ADAMTSL3: variants seen among roughly 807,000 people sequenced by gnomAD.
The protein encoded by ADAMTSL3 is ADAMTS-like protein 3.
In ADAMTSL3, 128 loss-of-function variants were observed where a neutral mutation model predicts 201.7. The observed-to-expected ratio is 0.63, with a 90% CI of 0.55 to 0.73. The LOEUF is 0.73. Among genes scored for constraint, ADAMTSL3 ranks in the 30% least tolerant of loss-of-function variants. The pLI is 0.00. For synonymous variants in ADAMTSL3, 738 were observed against 748.4 expected, an observed-to-expected ratio of 0.99 and a Z score of 0.23; for missense variants, 1,990 against 2,119.6, an observed-to-expected ratio of 0.94 and a Z score of 1.20.
At chr15:83,964,563 G>T (rs188244466) in intron 19 of ADAMTSL3, among the ~76,000 whole-genome samples, 2 of 152,292 alleles carry the variant, frequency 1.3e-5, no homozygotes, top group Admixed American at 6.5e-5. Context: ...GTACCTGAAA[G>T]TGAGGGGAGA....
At chr15:83,881,130 G>T (rs912118515) in intron 9 of ADAMTSL3, among the ~76,000 whole-genome samples, 2 of 152,090 alleles carry the variant, frequency 1.3e-5, no homozygotes, top group Non-Finnish European at 2.9e-5. Context: ...GATTATTTTA[G>T]CTGTCTTATT....
chr15:83,673,865 A>G (rs942910972), intron 2 of ADAMTSL3, among the ~76,000 whole-genome samples: 6 of 152,218 alleles, frequency 3.9e-5, no homozygotes, highest in African/African-American at 1.2e-4. Context: ...CAGAAGTGCA[A>G]GTGGAGTCCT....
intron 4 of ADAMTSL3, 96 bp downstream of exon 4, chr15:83,773,746 C>T: frequency 7.0e-7 from 1 of 1,419,130 alleles, no homozygotes; most frequent in Non-Finnish European, 9.5e-7. Flanking sequence ...TTGGAATGTA[C>T]TGTGATGATG....
intron 17 of ADAMTSL3, among the ~76,000 whole-genome samples, chr15:83,924,437 T>C (rs1344643855): frequency 3.9e-5 from 6 of 152,240 alleles, no homozygotes; most frequent in Non-Finnish European, 7.3e-5. Context: ...TCCATATTTG[T>C]TGAGTGACTG....
At chr15:83,989,899 C>T (rs2067552925) in intron 22 of ADAMTSL3, among the ~76,000 whole-genome samples, 1 of 152,242 alleles carries the variant, frequency 6.6e-6, no homozygotes, top group Admixed American at 6.5e-5. Flanking sequence ...GACAGTTCTG[C>T]TCCACTTGTA....
chr15:84,035,632 C>T (rs1173365221), intron 28 of ADAMTSL3, among the ~76,000 whole-genome samples: 1 of 152,230 alleles, frequency 6.6e-6, no homozygotes, highest in African/African-American at 2.4e-5. Context: ...GCAATACTCT[C>T]AGAGTTCTTG....
intron 23 of ADAMTSL3, among the ~76,000 whole-genome samples, chr15:84,010,428 G>T (rs2067987497): frequency 6.6e-6 from 1 of 152,142 alleles, no homozygotes; most frequent in Admixed American, 6.5e-5. Context: ...AAAAAGTCAC[G>T]CTGATGTATC....
At chr15:84,017,319 G>C (rs149325003) in intron 25 of ADAMTSL3, among the ~76,000 whole-genome samples, 1 of 152,080 alleles carries the variant, frequency 6.6e-6, no homozygotes, top group Non-Finnish European at 1.5e-5. Context: ...AGGTTTCACC[G>C]TGTTAGCCAG....
chr15:84,025,613 T>G, intron 27 of ADAMTSL3, 177 bp downstream of exon 27: 1 of 629,398 alleles, frequency 1.6e-6, no homozygotes, highest in Non-Finnish European at 2.6e-6. Context: ...ATAGTATCTC[T>G]GTCTTCCAGT....
intron 6 of ADAMTSL3, among the ~76,000 whole-genome samples, chr15:83,831,968 G>A (rs572986504): frequency 1.3e-5 from 2 of 152,262 alleles, no homozygotes; most frequent in East Asian, 1.9e-4. Flanking sequence ...AATGAATGCA[G>A]TGAAGTTCCT....
At chr15:83,663,522 G>T (rs1396434388) in intron 2 of ADAMTSL3, among the ~76,000 whole-genome samples, 5 of 152,172 alleles carry the variant, frequency 3.3e-5, no homozygotes, top group Admixed American at 3.3e-4. Context: ...TTGCTTACTT[G>T]AGTATTTCCT....
At chr15:83,923,440 G>C (rs1384272922) in intron 16 of ADAMTSL3, among the ~76,000 whole-genome samples, 1 of 152,222 alleles carries the variant, frequency 6.6e-6, no homozygotes, top group Non-Finnish European at 1.5e-5. Flanking sequence ...TTGAGGAGTT[G>C]TGTGTCTGCC....
At chr15:83,909,322 T>C (rs114971916) in intron 15 of ADAMTSL3, among the ~76,000 whole-genome samples, 1 of 152,204 alleles carries the variant, frequency 6.6e-6, no homozygotes, top group Admixed American at 6.5e-5. Context: ...GCCATTATTC[T>C]GCCTACAATT....
intron 2 of ADAMTSL3, among the ~76,000 whole-genome samples, chr15:83,688,751 T>TACACACACACACACACAC (rs1555430321): frequency 4.1e-4 from 47 of 114,684 alleles, no homozygotes; most frequent in East Asian, 3.0e-3. Context: ...CACATGCATA[T>TACACACACACACACACAC]ATATACACAC....
At chr15:83,851,388 G>A (rs570119040) in intron 7 of ADAMTSL3, among the ~76,000 whole-genome samples, 4 of 152,018 alleles carry the variant, frequency 2.6e-5, no homozygotes, top group Non-Finnish European at 5.9e-5. Context: ...GATTTGATTT[G>A]CAGGGTTTCA....
chr15:83,683,406 A>T (rs981403541), intron 2 of ADAMTSL3, among the ~76,000 whole-genome samples: 1 of 152,100 alleles, frequency 6.6e-6, no homozygotes, highest in African/African-American at 2.4e-5. Context: ...AGTCTTTCCC[A>T]ATCCTCCCAC....
chr15:83,700,777 TA>T (rs1342501600), intron 2 of ADAMTSL3, among the ~76,000 whole-genome samples: 2 of 151,684 alleles, frequency 1.3e-5, no homozygotes, highest in East Asian at 1.9e-4. Flanking sequence ...AAAATTAAAG[TA>T]AAAAAAATAA....
chr15:83,839,654 G>A (rs994332447), intron 7 of ADAMTSL3, among the ~76,000 whole-genome samples: 3 of 152,150 alleles, frequency 2.0e-5, no homozygotes, highest in Admixed American at 6.5e-5. Context: ...CTAGGGTAGC[G>A]TGGGAGGAAA....
Position 84,039,730 on chromosome 15 carries a change from T to A in ADAMTSL3, c.*1924T>A, listed in dbSNP as rs2068572784. 6.5e-6 allele frequency: 1 copy of A among 152,698 alleles called. No individual in the cohort carries two copies. Among genetic ancestry groups the A allele is most frequent in the Non-Finnish European group, 1.5e-5 (1 of 68,048 alleles). 9.5% of individuals were successfully genotyped at this position (152,698 alleles called of 1,614,324 possible). On this transcript the variant is annotated 3_prime_UTR_variant, in exon 30 of 30. Coordinates refer to ENST00000286744, the MANE Select transcript of ADAMTSL3 (RefSeq NM_207517.3). ...TGTTGTCATTCAATTGACATTCCTG[T>A]GTACTGTATTTTACTACTGTTTTTA...
Sources: allele counts gnomAD v4.1 joint callset (sites outside exome capture counted in the v4.1 genomes callset), GRCh38; gene constraint gnomAD v4.1.1; transcripts MANE v1.5; gene names NCBI Gene and HGNC (gene_info 2026-07-23, HGNC 2026-07-21).